Variants in SCGB3A1 observed in about 807,000 individuals in gnomAD.
The protein encoded by SCGB3A1 is cytokine HIN-1.
Under a neutral mutation model 7.6 loss-of-function variants are expected in SCGB3A1, and 7 were observed. That is an observed-to-expected ratio of 0.93 (90% CI 0.53 to 1.74). SCGB3A1 has a LOEUF of 1.74. Ranked by LOEUF, SCGB3A1 falls within the 40% of genes most tolerant of loss-of-function variation. The pLI, the probability that SCGB3A1 is intolerant of heterozygous loss-of-function variation, is 0.00. For synonymous variants in SCGB3A1, 67 were observed against 66.6 expected (o/e 1.01, Z -0.03); for missense variants, 119 against 129.0 (o/e 0.92, Z 0.38).
chr5:180,590,962 T>G, intron 1 of SCGB3A1, 124 bp from the exon 2 acceptor site: 2 of 690,496 alleles, frequency 2.9e-6, no homozygotes, highest in South Asian at 2.1e-5. Flanking sequence ...CGACCGCCCC[T>G]CCCTCCTGCG....
intron 2 of SCGB3A1, 25 bp downstream of exon 2, chr5:180,590,575 A>C: frequency 6.5e-7 from 1 of 1,548,704 alleles, no homozygotes; most frequent in East Asian, 2.3e-5. Flanking sequence ...CCGCGCAGGA[A>C]GGGCACCCGG....
Position 180,590,765 on chromosome 5 carries a change from G to GGCCTCC in SCGB3A1, c.120_125dup (p.Glu41_Ala42dup), listed in dbSNP as rs1400816703. 1 of 1,587,126 alleles carries GGCCTCC rather than the reference G, an allele frequency of 6.3e-7. No individual in the cohort carries two copies. Among genetic ancestry groups the GGCCTCC allele is most frequent in the Non-Finnish European group, 8.6e-7 (1 of 1,167,652 alleles). ...GGGGGTTGGCCAGGGTCCCGGCCCC[G>GGCCTCC]GCCTCCGCCGCCGACTCCAGCGCAG... On this transcript the variant is annotated inframe_insertion, in exon 2 of 3. Transcript: ENST00000292641.
Position 180,590,185 on chromosome 5 carries a change from G to A in SCGB3A1, c.*46C>T, listed in dbSNP as rs761876865. 13 of 1,567,878 alleles carry A rather than the reference G, an allele frequency of 8.3e-6. No individual in the cohort carries two copies. The Admixed American group carries it at 9.6e-5, about 12-fold the overall frequency. On this transcript the variant is annotated 3_prime_UTR_variant, in exon 3 of 3. Coordinates refer to ENST00000292641, the MANE Select transcript of SCGB3A1 (RefSeq NM_052863.3). The stretch of plus-strand genomic sequence containing the variant: ...CCGCGGCGGGGTTTTCAGCCCTCGC[G>A]GGTGGGCAGCGTCTTGTCCTCAGGT...
At chr5:180,591,183 G>A in intron 1 of SCGB3A1, 1 of 408,306 alleles carries the variant, frequency 2.4e-6, no homozygotes, top group East Asian at 3.8e-5. Flanking sequence ...GGGCAGACGG[G>A]TGTCCCCAGG....
intron 1 of SCGB3A1, chr5:180,591,054 G>A: frequency 1.9e-6 from 1 of 521,292 alleles, no homozygotes; most frequent in Non-Finnish European, 3.3e-6. Flanking sequence ...CAGGGTCACC[G>A]GAGTGGCCTG....
chr5:180,590,541 T>C (rs1761292679), intron 2 of SCGB3A1, 59 bp downstream of exon 2: 1 of 1,401,236 alleles, frequency 7.1e-7, no homozygotes, highest in South Asian at 1.3e-5. Flanking sequence ...TGGTGCAGTT[T>C]TGAGGCTGGC....
intron 1 of SCGB3A1, 200 bp downstream of exon 1, chr5:180,591,211 C>A (rs1381911777): frequency 2.4e-6 from 1 of 411,928 alleles, no homozygotes; most frequent in African/African-American, 2.1e-5. Context: ...CGGCCTCCAT[C>A]CCGGCACGAG....
Position 180,590,155 on chromosome 5 carries a change from CCT to C in SCGB3A1, c.*74_*75del. 6.7e-7 allele frequency: 1 copy of C among 1,498,844 alleles called. No individual in the cohort carries two copies. Among genetic ancestry groups the C allele is most frequent in the Non-Finnish European group, 9.1e-7 (1 of 1,096,626 alleles). 92.8% of individuals were successfully genotyped at this position (1,498,844 alleles called of 1,614,324 possible). On this transcript the variant is annotated 3_prime_UTR_variant, in exon 3 of 3. Coordinates refer to ENST00000292641, the MANE Select transcript of SCGB3A1 (RefSeq NM_052863.3). ...GGGCCGGGGGAAGGGGATGGACGGT[CCT>C]CCCCGCGGCGGGGTTTTCAGCCCTC...
intron 1 of SCGB3A1, 66 bp downstream of exon 1, chr5:180,591,345 G>T: frequency 8.7e-7 from 1 of 1,143,508 alleles, no homozygotes; most frequent in Non-Finnish European, 1.1e-6. Context: ...GCAGGCAGCG[G>T]CGGGGGCGCA....
chr5:180,590,949 C>A, intron 1 of SCGB3A1, 111 bp from the exon 2 acceptor site: 1 of 732,434 alleles, frequency 1.4e-6, no homozygotes, highest in Non-Finnish European at 2.1e-6. Context: ...CTGCCCGGCT[C>A]CCCGACCGCC....
At chr5:180,590,884 C>G in intron 1 of SCGB3A1, 46 bp from the exon 2 acceptor site, 1 of 1,480,504 alleles carries the variant, frequency 6.8e-7, no homozygotes, top group Non-Finnish European at 9.2e-7. Flanking sequence ...CCGGGGTCCC[C>G]AGAAGGCAGG....
intron 2 of SCGB3A1, 41 bp downstream of exon 2, chr5:180,590,559 G>T: frequency 6.6e-7 from 1 of 1,508,392 alleles, no homozygotes; most frequent in Non-Finnish European, 9.1e-7. Context: ...GGCCGGGAAG[G>T]GATGCCCGCG....
Position 180,590,226 on chromosome 5 carries a change from T to C in SCGB3A1, c.*5A>G. 1.3e-6 allele frequency: 2 copies of C among 1,582,254 alleles called. No homozygotes were observed. The highest frequency in any genetic ancestry group is 8.6e-7 in the Non-Finnish European group (1 of 1,164,524). On this transcript the variant is annotated 3_prime_UTR_variant, in exon 3 of 3. Transcript: ENST00000292641. The stretch of plus-strand genomic sequence containing the variant: ...GTCCTCAGGTGTAGATGCTCCAGTC[T>C]CGGCTCAGCCAAACACTGTCAGGGC...
chr5:180,590,731 G>T lies in SCGB3A1; in HGVS notation c.160C>A (p.Leu54Ile), dbSNP rs867364290. The change falls in exon 2 of 3, where the codon CTC becomes ATC. Residue 54 changes from leucine to isoleucine, a missense_variant. Physicochemically the swap from Leu to Ile is conservative, Grantham distance 5 (BLOSUM62 2). Coordinates refer to ENST00000292641, the MANE Select transcript of SCGB3A1 (RefSeq NM_052863.3). ...CTCAGCAGGAGCTTCAGCGGGTTGA[G>T]GGTGCCGAGGGGGTTGGCCAGGGTC... ...AGTLANPLGT[L>I]NPLKLLLSSL... 6.3e-7 allele frequency: 1 copy of T among 1,581,588 alleles called. No individual in the cohort carries two copies. The highest frequency in any genetic ancestry group is 2.3e-5 in the East Asian group (1 of 42,740).
chr5:180,590,481 C>T, intron 2 of SCGB3A1, 119 bp downstream of exon 2: 1 of 961,594 alleles, frequency 1.0e-6, no homozygotes, highest in South Asian at 1.7e-5. Flanking sequence ...AGGGACAGGG[C>T]TTGGAGGGGC....
chr5:180,590,244 G>C lies in SCGB3A1; in HGVS notation c.302C>G (p.Thr101Arg), dbSNP rs1470104201. 2.5e-6 allele frequency: 4 copies of C among 1,584,146 alleles called. No individual in the cohort carries two copies. In the Admixed American group the frequency reaches 5.5e-5, roughly 22 times the overall value. Reference protein sequence around the residue: ...KALKALLGALTVFG With the variant: ...KALKALLGALRVFG ...TCCAGTCTCGGCTCAGCCAAACACT[G>C]TCAGGGCCCCCTGGAAAGCAGAAGC... The change falls in exon 3 of 3, where the codon ACA becomes AGA. Residue 101 changes from threonine (T) to arginine (R), a missense_variant. Coordinates refer to ENST00000292641, the MANE Select transcript of SCGB3A1 (RefSeq NM_052863.3).
At chr5:180,591,084 T>A (rs1173058727) in intron 1 of SCGB3A1, 1 of 502,578 alleles carries the variant, frequency 2.0e-6, no homozygotes, top group African/African-American at 2.1e-5. Context: ...GAAGGACCGG[T>A]GAACTCTGTG....
At chr5:180,591,084 T>C in intron 1 of SCGB3A1, 1 of 502,686 alleles carries the variant, frequency 2.0e-6, no homozygotes, top group Non-Finnish European at 3.5e-6. Flanking sequence ...GAAGGACCGG[T>C]GAACTCTGTG....
chr5:180,590,148 G>C lies in SCGB3A1; in HGVS notation c.*83C>G, dbSNP rs1240707784. On this transcript the variant is annotated 3_prime_UTR_variant, in exon 3 of 3. Coordinates refer to ENST00000292641, the MANE Select transcript of SCGB3A1 (RefSeq NM_052863.3). ...TTGAGAGGGGCCGGGGGAAGGGGAT[G>C]GACGGTCCTCCCCGCGGCGGGGTTT... 6.9e-7 allele frequency: 1 copy of C among 1,457,200 alleles called. No homozygotes were observed. Among genetic ancestry groups the C allele is most frequent in the African/African-American group, 1.4e-5 (1 of 71,694 alleles). The allele number at this position is 1,457,200 out of a possible 1,614,324, so 90.3% of individuals were successfully genotyped here.
Sources: allele counts gnomAD v4.1 joint callset, GRCh38; gene constraint gnomAD v4.1.1; transcripts MANE v1.5; gene names NCBI Gene and HGNC (gene_info 2026-07-23, HGNC 2026-07-21).